The following WNT9B variants were observed in gnomAD, a reference collection of about 807,000 sequenced individuals.
The protein encoded by WNT9B is Wnt family member 9B, also known as protein Wnt-9b.
A neutral mutation model predicts 30.2 loss-of-function variants in WNT9B; 12 were observed. That is an observed-to-expected ratio of 0.40 (90% CI 0.26 to 0.64). The LOEUF (loss-of-function observed/expected upper bound fraction) is 0.64, where lower values mean the gene tolerates loss of function less well. WNT9B is among the 30% of genes least tolerant of loss of function. The pLI is 0.42. For synonymous variants in WNT9B, 218 were observed against 216.9 expected (o/e 1.01, Z -0.05); for missense variants, 442 against 485.2 (o/e 0.91, Z 0.84).
At chr17:46,859,905 T>A (rs1315982893) in intron 1 of WNT9B, among the ~76,000 whole-genome samples, 2 of 152,256 alleles carry the variant, frequency 1.3e-5, no homozygotes, top group East Asian at 3.9e-4. Flanking sequence ...GCATTGAAAA[T>A]TTAAAAAAAG....
chr17:46,871,640 ACT>A (rs2085245867), intron 1 of WNT9B, among the ~76,000 whole-genome samples: 1 of 152,056 alleles, frequency 6.6e-6, no homozygotes, highest in African/African-American at 2.4e-5. Flanking sequence ...AGAGAAGATC[ACT>A]CTGCCCAGTT....
At chr17:46,870,900 T>C (rs1476791559) in intron 1 of WNT9B, among the ~76,000 whole-genome samples, 1 of 142,502 alleles carries the variant, frequency 7.0e-6, no homozygotes, top group Non-Finnish European at 1.5e-5. Flanking sequence ...TGCTTCCACC[T>C]TTGCTTTTTT....
intron 1 of WNT9B, among the ~76,000 whole-genome samples, chr17:46,833,800 G>A (rs1467533291): frequency 6.6e-6 from 1 of 152,174 alleles, no homozygotes; most frequent in Non-Finnish European, 1.5e-5. Context: ...GGGGGCTCCT[G>A]ATCGGGAGGC....
At chr17:46,864,806 C>A (rs1703542880) in intron 1 of WNT9B, among the ~76,000 whole-genome samples, 1 of 151,464 alleles carries the variant, frequency 6.6e-6, no homozygotes, top group Non-Finnish European at 1.5e-5. Flanking sequence ...ACCAATCTTG[C>A]ATGAATTTGT....
chr17:46,871,234 A>C (rs2085238916), intron 1 of WNT9B, among the ~76,000 whole-genome samples: 1 of 152,106 alleles, frequency 6.6e-6, no homozygotes, highest in Non-Finnish European at 1.5e-5. Flanking sequence ...CCTGGCTATG[A>C]GGCCAGGATA....
intron 1 of WNT9B, among the ~76,000 whole-genome samples, chr17:46,835,304 C>T (rs1420816489): frequency 3.3e-5 from 5 of 152,072 alleles, no homozygotes; most frequent in Non-Finnish European, 2.9e-5. Context: ...CTCCGCCTCC[C>T]GGGTTCACGC....
At chr17:46,866,643 A>T (rs542985779) in intron 1 of WNT9B, among the ~76,000 whole-genome samples, 2 of 152,232 alleles carry the variant, frequency 1.3e-5, no homozygotes, top group Admixed American at 1.3e-4. Context: ...CACCCCGGGC[A>T]GCACAAGGCT....
chr17:46,846,547 T>G (rs1318367986), intron 1 of WNT9B, among the ~76,000 whole-genome samples: 1 of 152,116 alleles, frequency 6.6e-6, no homozygotes, highest in Non-Finnish European at 1.5e-5. Context: ...ACCAATGTGG[T>G]GAGTGAGCAG....
At chr17:46,860,418 G>A (rs1020670226) in intron 1 of WNT9B, among the ~76,000 whole-genome samples, 2 of 152,156 alleles carry the variant, frequency 1.3e-5, no homozygotes, top group African/African-American at 2.4e-5. Flanking sequence ...CATGGCCCAA[G>A]GCCCTGTTAT....
In WNT9B at chr17:46,878,238, C is replaced by T. The variant is rs976120813; in HGVS notation, c.*1520C>T. On this transcript the variant is annotated 3_prime_UTR_variant, in exon 4 of 4. Transcript: ENST00000290015. Reference sequence around the variant, plus strand: ...TGGCCCTGCCACGCCCATCTGTCAGCTTCCTTTCTCCCTAAACCTAGAGTT... The same window carrying T: ...TGGCCCTGCCACGCCCATCTGTCAGTTTCCTTTCTCCCTAAACCTAGAGTT... Among the ~76,000 whole-genome samples the T allele has an allele frequency of 6.6e-6, 1 of 152,268 alleles. No homozygotes were observed. The highest frequency in any genetic ancestry group is 2.1e-4 in the South Asian group (1 of 4,838).
intron 1 of WNT9B, among the ~76,000 whole-genome samples, chr17:46,837,604 C>T (rs1030358454): frequency 6.6e-6 from 1 of 152,136 alleles, no homozygotes; most frequent in Non-Finnish European, 1.5e-5. Flanking sequence ...CTAATAAACG[C>T]TAGAGGTGGG....
rs376688901 is a variant in WNT9B, at chr17:46,872,102, A to G, written c.78-415A>G. On this transcript the variant is annotated intron_variant, in intron 1 of 3. Coordinates refer to ENST00000290015, the MANE Select transcript of WNT9B (RefSeq NM_003396.3). ...GGCAGCCACCAATACTCTGTGCATT[A>G]TTTCCCAAACTTCCCGGATCACAAA... is the stretch of plus-strand genomic sequence containing the variant. Among the ~76,000 whole-genome samples the G allele has an allele frequency of 1.8e-4, 28 of 152,232 alleles. 1 individual carries two copies. The East Asian group carries it at 5.2e-3, about 28-fold the overall frequency.
At chr17:46,835,654 G>A (rs2084619737) in intron 1 of WNT9B, among the ~76,000 whole-genome samples, 1 of 152,214 alleles carries the variant, frequency 6.6e-6, no homozygotes, top group Admixed American at 6.5e-5. Context: ...ACCTACAGTG[G>A]CCCTCAGCAG....
intron 1 of WNT9B, 79 bp from the exon 2 acceptor site, chr17:46,872,438 T>A (rs1356297573): frequency 3.2e-5 from 46 of 1,416,212 alleles, no homozygotes; most frequent in Middle Eastern, 2.7e-4. Flanking sequence ...ATGAAGCCCC[T>A]GAGGAGGCCC....
rs1287648686 is a variant in WNT9B, at chr17:46,876,847, C to T, written c.*129C>T. On this transcript the variant is annotated 3_prime_UTR_variant, in exon 4 of 4. Coordinates refer to ENST00000290015, the MANE Select transcript of WNT9B (RefSeq NM_003396.3). Reference sequence around the variant, plus strand: ...AAACCGGCATGTGTGCCAATGCACACGAGTGTGCCACTCACCACCATTCCT... The same window carrying T: ...AAACCGGCATGTGTGCCAATGCACATGAGTGTGCCACTCACCACCATTCCT... The T allele has an allele frequency of 4.3e-5, 61 of 1,425,348 alleles. No individual in the cohort carries two copies. The highest frequency in any genetic ancestry group is 5.4e-5 in the Non-Finnish European group (59 of 1,085,662). 88.3% of individuals were successfully genotyped at this position (1,425,348 alleles called of 1,614,324 possible). A position where few individuals can be genotyped will look rare whatever the true frequency, so the allele number is the denominator to read the frequency against.
At chr17:46,884,450 G>A (rs1045941781), downstream of WNT9B, among the ~76,000 whole-genome samples, 5 of 151,976 alleles carry the variant, frequency 3.3e-5, no homozygotes, top group African/African-American at 1.2e-4. Flanking sequence ...CTCAAGCTCT[G>A]CTTCTCATGT....
At chr17:46,881,518 A>G (rs1298843098), downstream of WNT9B, among the ~76,000 whole-genome samples, 1 of 152,262 alleles carries the variant, frequency 6.6e-6, no homozygotes, top group African/African-American at 2.4e-5. Context: ...CTATATCGCT[A>G]GCAAGCGGAT....
In WNT9B at chr17:46,836,095, CGTGTGTGT is replaced by C. The variant is rs59862934; in HGVS notation, c.95+2688_95+2695del. 5.2e-3 allele frequency among the ~76,000 whole-genome samples: 653 copies of C among 126,492 alleles called. 1 individual carries two copies. The highest frequency in any genetic ancestry group is 7.3e-3 in the African/African-American group (230 of 31,438). The allele number at this position is 126,492 out of a possible 152,430, so 83.0% of individuals were successfully genotyped here. A position where few individuals can be genotyped will look rare whatever the true frequency, so the allele number is the denominator to read the frequency against. On this transcript the variant is annotated intron_variant, in intron 1 of 2. Coordinates refer to the WNT9B transcript ENST00000575372. ...GGAACAGCAGCTGGAGAGACGCTGA[CGTGTGTGT>C]GTGTGTGTGTGTGTGTGTGTGTGTG... is the stretch of plus-strand genomic sequence containing the variant.
rs146694906 is a variant in WNT9B at position 46,838,992 on chromosome 17, C to T, written c.95+5552C>T. On this transcript the variant is annotated intron_variant, in intron 1 of 2. Transcript: ENST00000575372. ...TCCCGGGTTCAAGCCATTCTCCTGC[C>T]TCAGCCTCCTGAATAGCTGGGATTA... Among the ~76,000 whole-genome samples, 827 of 152,256 alleles carry T rather than the reference C, an allele frequency of 5.4e-3. 6 individuals carry two copies. Among genetic ancestry groups the T allele is most frequent in the African/African-American group, 0.019 (802 of 41,556 alleles).
Sources: allele counts gnomAD v4.1 joint callset (sites outside exome capture counted in the v4.1 genomes callset), GRCh38; gene constraint gnomAD v4.1.1; transcripts MANE v1.5; gene names NCBI Gene and HGNC (gene_info 2026-07-23, HGNC 2026-07-21).